The following CEP112 variants were observed in gnomAD, a reference collection of about 807,000 sequenced individuals.
The protein encoded by CEP112 is centrosomal protein 112.
A neutral mutation model predicts 153.0 loss-of-function variants in CEP112; 127 were observed. That is an observed-to-expected ratio of 0.83 (90% CI 0.72 to 0.96). The LOEUF (loss-of-function observed/expected upper bound fraction) is 0.96. CEP112 is among the 40% of genes least tolerant of loss of function. The pLI is 0.00. For synonymous variants in CEP112, 358 were observed against 374.4 expected (o/e 0.96, Z 0.51); for missense variants, 1,089 against 1,101.2 (o/e 0.99, Z 0.16).
intron 17 of CEP112, among the ~76,000 whole-genome samples, chr17:65,988,999 C>A (rs2063497524): frequency 1.3e-5 from 2 of 151,762 alleles, no homozygotes; most frequent in Non-Finnish European, 2.9e-5. Context: ...CTGAGGCGGG[C>A]AGATCACCAG....
intron 11 of CEP112, among the ~76,000 whole-genome samples, chr17:66,061,522 A>C (rs1195934883): frequency 2.6e-5 from 4 of 151,968 alleles, no homozygotes; most frequent in Non-Finnish European, 4.4e-5. Flanking sequence ...TATGAAATCA[A>C]TGTAAGTGCC....
intron 6 of CEP112, among the ~76,000 whole-genome samples, chr17:66,126,881 T>C (rs2069874748): frequency 6.6e-6 from 1 of 152,126 alleles, no homozygotes; most frequent in Admixed American, 6.5e-5. Context: ...AGCACAAAAA[T>C]TAACTCTGGC....
At chr17:65,649,974 A>C (rs2045651839) in intron 24 of CEP112, among the ~76,000 whole-genome samples, 1 of 152,148 alleles carries the variant, frequency 6.6e-6, no homozygotes, top group African/African-American at 2.4e-5. Flanking sequence ...TTAAGATCAA[A>C]ATTAATATCC....
intron 8 of CEP112, among the ~76,000 whole-genome samples, chr17:66,086,380 CTTTTTTTTTTTTTTTTTTTTTT>C (rs71160531): frequency 3.0e-5 from 2 of 67,060 alleles, no homozygotes; most frequent in South Asian, 6.7e-4. Context: ...ATTTTCTTTT[CTTTTTTTTTTTTTTTTTTTTTT>C]TTTTTTTTTT....
intron 2 of CEP112, 47 bp downstream of exon 2, chr17:66,183,147 A>G (rs1278688333): frequency 7.6e-7 from 1 of 1,313,866 alleles, no homozygotes; most frequent in Non-Finnish European, 1.1e-6. Flanking sequence ...AAATAATATA[A>G]AGAAAAAAAT....
At chr17:65,974,651 C>T (rs1029545583) in intron 17 of CEP112, among the ~76,000 whole-genome samples, 2 of 152,142 alleles carry the variant, frequency 1.3e-5, no homozygotes, top group African/African-American at 2.4e-5. Context: ...TGGCATACTA[C>T]ACTGATGTAA....
At chr17:65,680,611 T>C (rs2047471923) in intron 24 of CEP112, among the ~76,000 whole-genome samples, 1 of 152,128 alleles carries the variant, frequency 6.6e-6, no homozygotes, top group African/African-American at 2.4e-5. Flanking sequence ...GGTCCCACCC[T>C]CAAAGTGTAC....
chr17:65,950,573 C>T (rs2144620854), intron 18 of CEP112, among the ~76,000 whole-genome samples: 1 of 151,996 alleles, frequency 6.6e-6, no homozygotes, highest in African/African-American at 2.4e-5. Context: ...ATATTTTATC[C>T]TGCAAGCTTG....
chr17:65,807,728 T>C (rs1421456802), intron 21 of CEP112, among the ~76,000 whole-genome samples: 2 of 152,228 alleles, frequency 1.3e-5, no homozygotes, highest in Non-Finnish European at 2.9e-5. Flanking sequence ...GGCCTGTGTG[T>C]GCACAGAAGG....
At chr17:65,728,449 A>G (rs137971506) in intron 23 of CEP112, among the ~76,000 whole-genome samples, 4 of 152,314 alleles carry the variant, frequency 2.6e-5, no homozygotes, top group Non-Finnish European at 5.9e-5. Context: ...CATACAGTCT[A>G]TCCACTTGTC....
intron 19 of CEP112, among the ~76,000 whole-genome samples, chr17:65,904,996 A>C (rs1598955486): frequency 6.6e-6 from 1 of 152,242 alleles, no homozygotes; most frequent in South Asian, 2.1e-4. Flanking sequence ...AACCCATAAA[A>C]ATCCTAGAAG....
chr17:65,723,618 T>C (rs1202710167), intron 23 of CEP112, among the ~76,000 whole-genome samples: 5 of 152,146 alleles, frequency 3.3e-5, no homozygotes, highest in African/African-American at 7.2e-5. Flanking sequence ...AAAAAGTAAT[T>C]GGGAAGAAAA....
chr17:65,858,246 C>T lies in CEP112; in HGVS notation c.2164-6212G>A, dbSNP rs145315020. ...GGTTTGAGAGTATTTTTCTCTTTCT[C>T]GCTTCTCTGGAAAAGTTTGTAAAAG... On this transcript the variant is annotated intron_variant, in intron 20 of 26. Coordinates refer to ENST00000535342, the MANE Select transcript of CEP112 (RefSeq NM_001199165.4). 9.6e-3 allele frequency among the ~76,000 whole-genome samples: 1,463 copies of T among 152,150 alleles called. 12 individuals carry two copies. Among genetic ancestry groups the T allele is most frequent in the Middle Eastern group, 0.017 (5 of 294 alleles).
intron 4 of CEP112, among the ~76,000 whole-genome samples, chr17:66,138,968 G>A (rs2070565581): frequency 6.6e-6 from 1 of 151,764 alleles, no homozygotes; most frequent in African/African-American, 2.4e-5. Flanking sequence ...AAATGTGTAG[G>A]ATTCAGTGAA....
chr17:65,829,763 A>G (rs2057002653), intron 21 of CEP112, among the ~76,000 whole-genome samples: 1 of 152,208 alleles, frequency 6.6e-6, no homozygotes, highest in South Asian at 2.1e-4. Flanking sequence ...ACAGAAAACA[A>G]AAAAAGAAAA....
At chr17:66,167,673 A>C (rs1186295767) in intron 4 of CEP112, among the ~76,000 whole-genome samples, 1 of 152,216 alleles carries the variant, frequency 6.6e-6, no homozygotes, top group Non-Finnish European at 1.5e-5. Flanking sequence ...TTGCTGCATA[A>C]AGTACTTATG....
chr17:65,779,149 G>GA (rs2053861617), intron 21 of CEP112, among the ~76,000 whole-genome samples: 1 of 152,006 alleles, frequency 6.6e-6, no homozygotes. Context: ...TCAATTCAAA[G>GA]AAAAAACTCT....
intron 24 of CEP112, among the ~76,000 whole-genome samples, chr17:65,686,206 T>C (rs1304699797): frequency 6.6e-6 from 1 of 151,252 alleles, no homozygotes; most frequent in Non-Finnish European, 1.5e-5. Flanking sequence ...ATATTCAGCT[T>C]TACCCATGGG....
intron 23 of CEP112, among the ~76,000 whole-genome samples, chr17:65,729,081 TTTTA>T (rs528782693): frequency 5.3e-5 from 8 of 152,362 alleles, no homozygotes; most frequent in Non-Finnish European, 1.2e-4. Flanking sequence ...AAAAATTTAT[TTTTA>T]TTTGACAGAT....
Sources: allele counts gnomAD v4.1 joint callset (sites outside exome capture counted in the v4.1 genomes callset), GRCh38; gene constraint gnomAD v4.1.1; transcripts MANE v1.5; gene names NCBI Gene and HGNC (gene_info 2026-07-23, HGNC 2026-07-21).